Variants in FBXW10B observed in about 807,000 individuals in gnomAD.
FBXW10B encodes the protein F-box and WD repeat domain containing protein 10B.
the FBXW10B span, chr17:15,605,331 A>T: frequency 1.9e-6 from 3 of 1,596,292 alleles, no homozygotes; most frequent in Non-Finnish European, 2.6e-6. Context: ...TATCGCTTTC[A>T]CTTGTATGAT....
chr17:15,615,324 T>TC, the FBXW10B span, among the ~76,000 whole-genome samples: 24 of 110,920 alleles, frequency 2.2e-4, 1 homozygote, highest in East Asian at 5.7e-4. Context: ...TGGCTTTCTT[T>TC]TTTTTTTTTT....
At chr17:15,619,141 C>G in the FBXW10B span, 1,292 of 1,613,976 alleles carry the variant, frequency 8.0e-4, 1 homozygote, top group Non-Finnish European at 9.7e-4. Flanking sequence ...TGTTCGCAAA[C>G]CAATACAAGA....
chr17:15,584,968 C>CTT, the FBXW10B span, among the ~76,000 whole-genome samples: 13,128 of 125,846 alleles, frequency 0.1, 1,201 homozygotes, highest in African/African-American at 0.24. Flanking sequence ...CCTTCTTCTT[C>CTT]TTTTTTTTTT....
the FBXW10B span, chr17:15,615,881 C>T: frequency 6.2e-7 from 1 of 1,601,542 alleles, no homozygotes; most frequent in African/African-American, 1.3e-5. Context: ...TGGAGAGAAA[C>T]TTTTTCATTT....
the FBXW10B span, among the ~76,000 whole-genome samples, chr17:15,616,932 C>T: frequency 9.9e-5 from 15 of 152,070 alleles, no homozygotes; most frequent in East Asian, 1.7e-3. Context: ...AAGAGCACTG[C>T]GGAGCATTGC....
At chr17:15,593,847 A>C in the FBXW10B span, among the ~76,000 whole-genome samples, 1 of 152,028 alleles carries the variant, frequency 6.6e-6, no homozygotes, top group African/African-American at 2.4e-5. Context: ...CAGGCTGGTC[A>C]TGAAATCCTG....
the FBXW10B span, among the ~76,000 whole-genome samples, chr17:15,601,284 C>T: frequency 6.9e-6 from 1 of 145,530 alleles, no homozygotes. Context: ...TGGTGGGCGC[C>T]TGTAGTCCCA....
chr17:15,593,565 G>A, the FBXW10B span: 2 of 1,587,956 alleles, frequency 1.3e-6, no homozygotes, highest in Non-Finnish European at 8.6e-7. Flanking sequence ...TGTAGGTTGG[G>A]AGCATTTTGT....
the FBXW10B span, among the ~76,000 whole-genome samples, chr17:15,579,368 A>G: frequency 1.3e-5 from 2 of 152,168 alleles, no homozygotes; most frequent in Non-Finnish European, 2.9e-5. Context: ...CTGCCACTCT[A>G]CAATATCTAT....
chr17:15,616,135 C>T, the FBXW10B span, among the ~76,000 whole-genome samples: 2 of 151,956 alleles, frequency 1.3e-5, no homozygotes, highest in African/African-American at 4.8e-5. Context: ...GAAATAACCA[C>T]CCTCGAGTCA....
chr17:15,596,432 T>G, the FBXW10B span: 2 of 1,337,852 alleles, frequency 1.5e-6, no homozygotes, highest in East Asian at 2.4e-5. Flanking sequence ...TACTCTAGGA[T>G]GACCTGAGGA....
the FBXW10B span, among the ~76,000 whole-genome samples, chr17:15,598,319 G>A: frequency 1.3e-5 from 2 of 149,412 alleles, no homozygotes; most frequent in South Asian, 2.1e-4. Context: ...CTCAGTGTGT[G>A]GCTTGCTGTA....
At chr17:15,600,181 A>G in the FBXW10B span, among the ~76,000 whole-genome samples, 1 of 150,126 alleles carries the variant, frequency 6.7e-6, no homozygotes, top group Non-Finnish European at 1.5e-5. Flanking sequence ...GCGCCACTGC[A>G]CTCCAGCCTG....
At chr17:15,619,220 T>C in the FBXW10B span, 10 of 1,614,002 alleles carry the variant, frequency 6.2e-6, no homozygotes, top group Middle Eastern at 1.7e-4. Context: ...AACTTTCCCC[T>C]CTTTCTTGCT....
At chr17:15,619,400 A>C in the FBXW10B span, 13 of 1,613,778 alleles carry the variant, frequency 8.1e-6, no homozygotes, top group South Asian at 1.3e-4. Context: ...GGTAGAGAAG[A>C]TCTTCCAGGC....
the FBXW10B span, among the ~76,000 whole-genome samples, chr17:15,592,631 C>CA: frequency 6.6e-6 from 1 of 151,986 alleles, no homozygotes; most frequent in Non-Finnish European, 1.5e-5. Flanking sequence ...TGCCACCCCC[C>CA]ACTCTCCTAT....
At chr17:15,577,985 G>A in the FBXW10B span, among the ~76,000 whole-genome samples, 29,048 of 146,752 alleles carry the variant, frequency 0.2, 3,011 homozygotes, top group Middle Eastern at 0.24. Flanking sequence ...AGGTGAGAAC[G>A]GAGAGAGAAA....
chr17:15,594,407 G>A, the FBXW10B span: 1 of 243,366 alleles, frequency 4.1e-6, no homozygotes, highest in East Asian at 9.6e-5. Flanking sequence ...AGGAGGTAGA[G>A]CTTGCAGTGA....
chr17:15,588,028 A>T, the FBXW10B span, among the ~76,000 whole-genome samples: 11 of 152,364 alleles, frequency 7.2e-5, no homozygotes, highest in South Asian at 2.1e-4. Flanking sequence ...TAGACTCTCA[A>T]AAAGCCTTTC....
Sources: allele counts gnomAD v4.1 joint callset (sites outside exome capture counted in the v4.1 genomes callset), GRCh38; gene constraint gnomAD v4.1.1; transcripts MANE v1.5; gene names NCBI Gene and HGNC (gene_info 2026-07-23, HGNC 2026-07-21).